PTPN11: variants seen among roughly 807,000 people sequenced by gnomAD.
PTPN11 encodes the protein tyrosine-protein phosphatase non-receptor type 11.
In PTPN11, 6 loss-of-function variants were observed where a neutral mutation model predicts 78.8. The ratio of observed to expected loss-of-function variants is 0.08; its 90% CI spans 0.04 to 0.15. The LOEUF is 0.15. PTPN11 is among the 10% of genes least tolerant of loss of function. The probability of loss-of-function intolerance (pLI) is 1.00; values close to 1 mark genes in which losing one functional copy is unlikely to be tolerated. For synonymous variants in PTPN11, 221 were observed against 263.5 expected, an observed-to-expected ratio of 0.84 and a Z score of 1.56; for missense variants, 386 against 744.8, an observed-to-expected ratio of 0.52 and a Z score of 5.61.
intron 7 of PTPN11, among the ~76,000 whole-genome samples, chr12:112,475,220 C>T (rs981947701): frequency 1.3e-5 from 2 of 152,030 alleles, no homozygotes; most frequent in Non-Finnish European, 2.9e-5. Context: ...ACTAGAGCCC[C>T]CAAAGTCACT....
chr12:112,453,320 C>G lies in PTPN11; in HGVS notation c.458C>G (p.Thr153Ser), dbSNP rs2038104871. Residue 153 changes from threonine (T) to serine (S), a missense_variant, in exon 4 of 16, where the codon ACT (threonine) becomes AGT (serine). By Grantham distance (58) the Thr-to-Ser change is moderately conservative (BLOSUM62 1). Coordinates refer to ENST00000351677, the MANE Select transcript of PTPN11 (RefSeq NM_002834.5). Reference protein sequence around the residue: ...HPGDFVLSVRTGDDKGESNDG... With the variant: ...HPGDFVLSVRSGDDKGESNDG... Reference sequence around the variant, plus strand: ...GGAGATTTTGTTCTTTCTGTGCGCACTGGTGATGACAAAGGGGAGAGCAAT... The same window carrying G: ...GGAGATTTTGTTCTTTCTGTGCGCAGTGGTGATGACAAAGGGGAGAGCAAT... The G allele has an allele frequency of 6.2e-7, 1 of 1,614,050 alleles. No homozygotes were observed. The highest frequency in any genetic ancestry group is 8.5e-7 in the Non-Finnish European group (1 of 1,180,022).
In PTPN11 at chr12:112,477,920, T is replaced by G; in HGVS notation, c.997T>G (p.Cys333Gly). 1 of 1,614,214 alleles carries G rather than the reference T, an allele frequency of 6.2e-7. No individual in the cohort carries two copies. The highest frequency in any genetic ancestry group is 1.3e-5 in the African/African-American group (1 of 75,070). Residue 333 changes from cysteine to glycine, a missense_variant, in exon 9 of 16, where the codon TGC becomes GGC. Cys to Gly is a radical substitution (Grantham distance 159). Coordinates refer to ENST00000351677, the MANE Select transcript of PTPN11 (RefSeq NM_002834.5). ...AAAGAGTTACATTGCCACACAAGGC[T>G]GCCTGCAAAACACGGTGAATGACTT... ...PKKSYIATQG[C>G]LQNTVNDFWR...
chr12:112,503,180 GACC>G (rs1011900159), intron 14 of PTPN11, among the ~76,000 whole-genome samples: 3 of 152,302 alleles, frequency 2.0e-5, no homozygotes. Flanking sequence ...ATGCGACAGA[GACC>G]ATGTATGGCA....
intron 1 of PTPN11, among the ~76,000 whole-genome samples, chr12:112,443,914 A>C (rs2037948359): frequency 6.6e-6 from 1 of 152,004 alleles, no homozygotes; most frequent in Non-Finnish European, 1.5e-5. Flanking sequence ...TTGGCCTCCC[A>C]AAATGCTAGG....
intron 1 of PTPN11, among the ~76,000 whole-genome samples, chr12:112,445,991 T>C (rs2037988093): frequency 6.6e-6 from 1 of 152,158 alleles, no homozygotes; most frequent in Admixed American, 6.6e-5. Flanking sequence ...GCACGTGGTC[T>C]GTTTTCTTGG....
Position 112,482,065 on chromosome 12 carries a change from C to A in PTPN11, c.1093-9C>A, listed in dbSNP as rs12301915. 25,448 of 1,558,590 alleles carry A rather than the reference C, an allele frequency of 0.016. 577 individuals carry two copies. The highest frequency in any genetic ancestry group is 0.11 in the African/African-American group (8,146 of 73,558). On this transcript the variant is annotated splice_polypyrimidine_tract_variant and intron_variant, in intron 9 of 15. Transcript: ENST00000351677. The surrounding 1 kb of genome is among the most constrained non-coding windows in gnomAD (Gnocchi z 4.4). The stretch of plus-strand genomic sequence containing the variant: ...AGAATTAACTTTCTTTTTTTCTGAT[C>A]TCTTCCAGAGTAAATGTGTCAAATA...
At chr12:112,425,659 C>T (rs546969488) in intron 1 of PTPN11, among the ~76,000 whole-genome samples, 32 of 152,252 alleles carry the variant, frequency 2.1e-4, no homozygotes, top group Non-Finnish European at 4.0e-4. Flanking sequence ...ACATTGTACC[C>T]ATTAAGTAAT....
chr12:112,482,131 C>T lies in PTPN11; in HGVS notation c.1150C>T (p.Arg384Cys), dbSNP rs748162361. Residue 384 changes from arginine (R) to cysteine (C), a missense_variant, in exon 10 of 16, where the codon CGT (arginine) becomes TGT (cysteine). Physicochemically the swap from Arg to Cys is radical, Grantham distance 180. Transcript: ENST00000351677. This position sits in a 1 kb window ranked among gnomAD's most constrained non-coding sequence, Gnocchi z 4.4. ...TGCTCTAAAAGAATATGGCGTCATGCGTGTTAGGAACGTCAAAGAAAGCGC... is the reference window on the plus strand; with the variant it reads ...TGCTCTAAAAGAATATGGCGTCATGTGTGTTAGGAACGTCAAAGAAAGCGC... ...EYALKEYGVM[R>C]VRNVKESAAH... is the part of the protein sequence containing the mutation. 5.6e-6 allele frequency: 9 copies of T among 1,602,254 alleles called. No homozygotes were observed. The highest frequency in any genetic ancestry group is 7.7e-6 in the Non-Finnish European group (9 of 1,169,438).
chr12:112,425,154 A>C (rs1444798908), intron 1 of PTPN11, among the ~76,000 whole-genome samples: 4 of 151,958 alleles, frequency 2.6e-5, no homozygotes, highest in Non-Finnish European at 5.9e-5. Context: ...GTGCCCACCT[A>C]ACAACTTTAA....
intron 1 of PTPN11, among the ~76,000 whole-genome samples, chr12:112,422,622 C>A (rs2037540190): frequency 6.6e-6 from 1 of 152,182 alleles, no homozygotes; most frequent in Non-Finnish European, 1.5e-5. Flanking sequence ...CCCTGGTGGC[C>A]ACGTTTGTTT....
In PTPN11 at chr12:112,504,589, A is replaced by G. The variant is rs900117355; in HGVS notation, c.1713-106A>G. On this transcript the variant is annotated intron_variant, in intron 14 of 15. Coordinates refer to ENST00000351677, the MANE Select transcript of PTPN11 (RefSeq NM_002834.5). This position sits in a 1 kb window ranked among gnomAD's most constrained non-coding sequence, Gnocchi z 4.7. Reference sequence around the variant, plus strand: ...TAGGCACAGGAACTGTGTCTGTACCATATCTGGTGCCCAAAGAATGTAGTA... The same window carrying G: ...TAGGCACAGGAACTGTGTCTGTACCGTATCTGGTGCCCAAAGAATGTAGTA... 2.4e-6 allele frequency: 2 copies of G among 835,934 alleles called. No homozygotes were observed. Among genetic ancestry groups the G allele is most frequent in the Non-Finnish European group, 4.0e-6 (2 of 498,614 alleles). 51.8% of individuals were successfully genotyped at this position (835,934 alleles called of 1,614,324 possible).
Position 112,502,256 on chromosome 12 carries a change from A to C in PTPN11, c.1712A>C (p.Glu571Ala). The change falls in exon 14 of 16, where the codon GAA becomes GCA. Residue 571 changes from glutamate to alanine, a missense_variant and splice_region_variant. Physicochemically the swap from Glu to Ala is moderately radical, Grantham distance 107. Transcript: ENST00000351677. ...TGTACTCCAACGCCACCCTGTGCAG[A>C]GTAAGTAGTGCTGAAGGAAATTCTT... is the stretch of plus-strand genomic sequence containing the variant. ...PPCTPTPPCAEMREDSARVYE... is the reference protein window; with the variant it reads ...PPCTPTPPCAAMREDSARVYE... 1.2e-6 allele frequency: 2 copies of C among 1,610,208 alleles called. No individual in the cohort carries two copies. Among genetic ancestry groups the C allele is most frequent in the South Asian group, 2.2e-5 (2 of 90,984 alleles).
In PTPN11 at chr12:112,453,399, G is replaced by C. The variant is rs41304351; in HGVS notation, c.525+12G>C. ...TGATTCGCTGTCAGGTAAATCTCCA[G>C]TTGAAAAATGGGTCTGGCAAGATGT... is the stretch of plus-strand genomic sequence containing the variant. On this transcript the variant is annotated intron_variant, in intron 4 of 15. Coordinates refer to ENST00000351677, the MANE Select transcript of PTPN11 (RefSeq NM_002834.5). 21,139 of 1,613,374 alleles carry C rather than the reference G, an allele frequency of 0.013. 164 individuals are homozygous for C. The highest frequency in any genetic ancestry group is 0.016 in the Admixed American group (975 of 60,018).
At chr12:112,502,749 A>T (rs2038891170) in intron 14 of PTPN11, among the ~76,000 whole-genome samples, 1 of 152,172 alleles carries the variant, frequency 6.6e-6, no homozygotes, top group African/African-American at 2.4e-5. Context: ...TCTGTCTAAA[A>T]ATAAAATAAA....
At position 112,506,939 on chromosome 12, in the gene PTPN11, CCCTCT is replaced by C. The variant is rs1445760047; in HGVS notation, c.*1148_*1152del. The C allele has an allele frequency of 3.5e-5, 8 of 226,854 alleles. No homozygotes were observed. The highest frequency in any genetic ancestry group is 2.0e-4 in the African/African-American group (8 of 39,194). 14.1% of individuals were successfully genotyped at this position (226,854 alleles called of 1,614,324 possible). A position where few individuals can be genotyped will look rare whatever the true frequency, so the allele number is the denominator to read the frequency against. On this transcript the variant is annotated 3_prime_UTR_variant, in exon 16 of 16. Transcript: ENST00000351677. ...AATTGTCACAGTGTCCCTTCTACTT[CCCTCT>C]ATTGATGATGATGATGATGATGATG...
intron 1 of PTPN11, among the ~76,000 whole-genome samples, chr12:112,434,923 A>G (rs2037766698): frequency 6.6e-6 from 1 of 151,964 alleles, no homozygotes; most frequent in African/African-American, 2.4e-5. Flanking sequence ...AGTAGCTGAG[A>G]CTACAGGCAC....
At position 112,446,306 on chromosome 12, in the gene PTPN11, G is replaced by A; in HGVS notation, c.45G>A (p.Glu15=). 2 of 1,614,078 alleles carry A rather than the reference G, an allele frequency of 1.2e-6. No individual in the cohort carries two copies. The highest frequency in any genetic ancestry group is 8.5e-7 in the Non-Finnish European group (1 of 1,179,976). The change falls in exon 2 of 16, where the codon GAG becomes GAA. Residue 15 remains glutamate (E), a synonymous_variant. Coordinates refer to ENST00000351677, the MANE Select transcript of PTPN11 (RefSeq NM_002834.5). ...RWFHPNITGV[E]AENLLLTRGV... is the part of the protein sequence containing the mutation. ...TTCACCCAAATATCACTGGTGTGGA[G>A]GCAGAAAACCTACTGTTGACAAGAG...
At chr12:112,478,973 A>G (rs2038554144) in intron 9 of PTPN11, among the ~76,000 whole-genome samples, 1 of 152,128 alleles carries the variant, frequency 6.6e-6, no homozygotes, top group African/African-American at 2.4e-5. Flanking sequence ...AGCTTAGGTG[A>G]TCCACCTTCC....
intron 13 of PTPN11, among the ~76,000 whole-genome samples, chr12:112,498,808 G>A (rs1031281141): frequency 4.6e-5 from 7 of 152,154 alleles, no homozygotes; most frequent in Non-Finnish European, 1.0e-4. Flanking sequence ...AACACAGCCT[G>A]GGCTGTCACA....
Sources: allele counts gnomAD v4.1 joint callset (sites outside exome capture counted in the v4.1 genomes callset), GRCh38; gene constraint gnomAD v4.1.1; non-coding constraint Gnocchi (gnomAD v3.1); transcripts MANE v1.5; gene names NCBI Gene and HGNC (gene_info 2026-07-23, HGNC 2026-07-21).